The following OLA1 variants were observed in gnomAD, a reference collection of about 807,000 sequenced individuals.
OLA1 encodes obg-like ATPase 1.
Under a neutral mutation model 48.4 loss-of-function variants are expected in OLA1, and 14 were observed. The observed-to-expected ratio is 0.29, with a 90% CI of 0.19 to 0.45. The LOEUF is 0.45. OLA1 is among the 20% of genes least tolerant of loss of function. The probability of loss-of-function intolerance (pLI) is 1.00; values close to 1 mark genes in which losing one functional copy is unlikely to be tolerated. For missense variants in OLA1, 325 were observed against 467.1 expected (o/e 0.70, Z 2.80); for synonymous variants, 127 against 150.4 (o/e 0.84, Z 1.14).
intron 7 of OLA1, among the ~76,000 whole-genome samples, chr2:174,091,668 C>T (rs1195549259): frequency 2.0e-5 from 3 of 151,680 alleles, no homozygotes; most frequent in Non-Finnish European, 2.9e-5. Flanking sequence ...GGCAGAACAC[C>T]TGAGGTCAGG....
chr2:174,087,075 G>A (rs534600173), intron 7 of OLA1, among the ~76,000 whole-genome samples: 5 of 149,270 alleles, frequency 3.3e-5, no homozygotes, highest in African/African-American at 1.2e-4. Flanking sequence ...TCGCCAGGCT[G>A]GAGTGCAGTG....
chr2:174,164,385 G>GCATAGTGCAGAATGGATACCATTCTT (rs1553485219), intron 4 of OLA1, among the ~76,000 whole-genome samples: 1 of 151,518 alleles, frequency 6.6e-6, no homozygotes, highest in African/African-American at 2.4e-5. Flanking sequence ...ATACCATTCT[G>GCATAGTGCAGAATGGATACCATTCTT]TTTTATGTTT....
chr2:174,096,151 T>C (rs529239223), intron 7 of OLA1, among the ~76,000 whole-genome samples: 4 of 152,282 alleles, frequency 2.6e-5, no homozygotes, highest in East Asian at 1.9e-4. Flanking sequence ...TGGGTGAACG[T>C]TGAAAACACT....
intron 4 of OLA1, among the ~76,000 whole-genome samples, chr2:174,161,400 CA>C (rs1687008355): frequency 6.6e-6 from 1 of 151,984 alleles, no homozygotes; most frequent in Non-Finnish European, 1.5e-5. Context: ...AAATGTAAAA[CA>C]GTAAAATATA....
intron 4 of OLA1, among the ~76,000 whole-genome samples, chr2:174,202,648 T>C (rs1688016339): frequency 6.6e-6 from 1 of 152,170 alleles, no homozygotes; most frequent in Non-Finnish European, 1.5e-5. Flanking sequence ...GTCCACTTAA[T>C]AGGGACCGTA....
intron 4 of OLA1, among the ~76,000 whole-genome samples, chr2:174,188,849 T>C (rs1402449080): frequency 1.3e-5 from 2 of 152,198 alleles, no homozygotes; most frequent in Non-Finnish European, 1.5e-5. Flanking sequence ...TTGGGTCCCA[T>C]ACCCAAGATA....
intron 7 of OLA1, among the ~76,000 whole-genome samples, chr2:174,108,088 C>T (rs1685554866): frequency 6.6e-6 from 1 of 152,030 alleles, no homozygotes; most frequent in South Asian, 2.1e-4. Flanking sequence ...AAATAAAATA[C>T]TGCCTTGCCT....
intron 3 of OLA1, among the ~76,000 whole-genome samples, chr2:174,225,979 G>C (rs1320822377): frequency 4.8e-5 from 2 of 41,600 alleles, no homozygotes; most frequent in Admixed American, 5.3e-4. Flanking sequence ...CGGATCACGA[G>C]GTCAAGAGAT....
intron 7 of OLA1, among the ~76,000 whole-genome samples, chr2:174,095,654 A>G (rs537770683): frequency 2.0e-4 from 30 of 152,308 alleles, no homozygotes; most frequent in African/African-American, 6.7e-4. Flanking sequence ...ACATACAAAA[A>G]TTAAAATGGA....
chr2:174,195,039 C>A (rs4972434), intron 4 of OLA1, among the ~76,000 whole-genome samples: 80,733 of 151,826 alleles, frequency 0.53, 22,036 homozygotes, highest in East Asian at 0.95. Flanking sequence ...TTCAGTTAAA[C>A]ATCCTATCTG....
chr2:174,150,331 A>G (rs1686714305), intron 4 of OLA1, among the ~76,000 whole-genome samples: 1 of 152,284 alleles, frequency 6.6e-6, no homozygotes, highest in East Asian at 1.9e-4. Context: ...GACTCTACAG[A>G]AAGTCCCCAC....
In OLA1 at chr2:174,211,361, C is replaced by A. The variant is rs113482380; in HGVS notation, c.373+11672G>T. ...CTAAGTTCATTATCTGAGGGTAAAC[C>A]CCTTACCTAAATCATCCTGGTAGAA... On this transcript the variant is annotated intron_variant, in intron 4 of 10. Transcript: ENST00000284719. 5.4e-3 allele frequency among the ~76,000 whole-genome samples: 815 copies of A among 152,220 alleles called. 9 individuals carry two copies. In the Middle Eastern group the frequency reaches 0.065, roughly 12 times the overall value.
At chr2:174,139,893 G>GAA (rs201132877) in intron 5 of OLA1, among the ~76,000 whole-genome samples, 4 of 134,452 alleles carry the variant, frequency 3.0e-5, no homozygotes, top group Non-Finnish European at 6.4e-5. Flanking sequence ...AAGAAAGAAA[G>GAA]AAAAAAAAAA....
At chr2:174,187,947 A>T in intron 4 of OLA1, among the ~76,000 whole-genome samples, 1 of 152,166 alleles carries the variant, frequency 6.6e-6, no homozygotes, top group Non-Finnish European at 1.5e-5. Context: ...AGTGAGAAAA[A>T]ATGATGCCTG....
chr2:174,168,191 C>T (rs183509209), intron 4 of OLA1, among the ~76,000 whole-genome samples: 3 of 152,110 alleles, frequency 2.0e-5, no homozygotes, highest in Admixed American at 6.6e-5. Context: ...GAAACTGTAG[C>T]GATGGAAGAA....
At position 174,079,199 on chromosome 2, in the gene OLA1, A is replaced by G. The variant is rs1011805260; in HGVS notation, c.967-109T>C. On this transcript the variant is annotated intron_variant, in intron 9 of 10. Transcript: ENST00000284719. ...TTGGGCTCAACTAGAACTTAGTTTA[A>G]TATCTGTTAAGATGTCAGGTATATA... The G allele has an allele frequency of 1.4e-5, 12 of 830,490 alleles. No individual in the cohort carries two copies. In the African/African-American group the frequency reaches 1.6e-4, roughly 11 times the overall value. 51.4% of individuals were successfully genotyped at this position (830,490 alleles called of 1,614,324 possible).
rs1000521464 is a variant in OLA1 at position 174,241,243 on chromosome 2, A to C, written c.101+5472T>G. ...AACTAGCCACCAGCTGAATGCAGTC[A>C]CATGAGGGATCCCAATGAGACTGGC... On this transcript the variant is annotated intron_variant, in intron 2 of 10. Coordinates refer to ENST00000284719, the MANE Select transcript of OLA1 (RefSeq NM_013341.5). Among the ~76,000 whole-genome samples, 3 of 152,208 alleles carry C rather than the reference A, an allele frequency of 2.0e-5. No individual in the cohort carries two copies. The East Asian group carries it at 5.8e-4, about 29-fold the overall frequency.
At position 174,238,563 on chromosome 2, in the gene OLA1, A is replaced by G. The variant is rs956237702; in HGVS notation, c.101+8152T>C. Among the ~76,000 whole-genome samples, 5 of 152,040 alleles carry G rather than the reference A, an allele frequency of 3.3e-5. No individual in the cohort carries two copies. In the East Asian group the frequency reaches 7.7e-4, roughly 23 times the overall value. On this transcript the variant is annotated intron_variant, in intron 2 of 10. Coordinates refer to ENST00000284719, the MANE Select transcript of OLA1 (RefSeq NM_013341.5). ...TCACAACTTGGCTATAATCAAAAAG[A>G]TAACAACAAATGTTGACAAGGATGT...
chr2:174,246,781 G>A lies in OLA1; in HGVS notation c.35C>T (p.Pro12Leu), dbSNP rs746873145. Residue 12 changes from proline to leucine, a missense_variant, in exon 2 of 11, where the codon CCA (proline) becomes CTA (leucine). By Grantham distance (98) the Pro-to-Leu change is moderately conservative. Transcript: ENST00000284719. Reference sequence around the variant, plus strand: ...TCCAAATCTTCCAATGATTGGGGGTGGTTTAATTCCATCACCTCCCTTTTT... The same window carrying A: ...TCCAAATCTTCCAATGATTGGGGGTAGTTTAATTCCATCACCTCCCTTTTT... Reference protein sequence around the residue: ...PPKKGGDGIKPPPIIGRFGTS... With the variant: ...PPKKGGDGIKLPPIIGRFGTS... 4.3e-6 allele frequency: 7 copies of A among 1,611,926 alleles called. No individual in the cohort carries two copies. Among genetic ancestry groups the A allele is most frequent in the African/African-American group, 2.7e-5 (2 of 74,838 alleles).
Sources: allele counts gnomAD v4.1 joint callset (sites outside exome capture counted in the v4.1 genomes callset), GRCh38; gene constraint gnomAD v4.1.1; transcripts MANE v1.5; gene names NCBI Gene and HGNC (gene_info 2026-07-23, HGNC 2026-07-21).